Variants in MARCHF1 observed in about 807,000 individuals in gnomAD.
The protein encoded by MARCHF1 is membrane associated ring-CH-type finger 1, also known as E3 ubiquitin-protein ligase MARCHF1.
A neutral mutation model predicts 54.2 loss-of-function variants in MARCHF1; 40 were observed. The ratio of observed to expected loss-of-function variants is 0.74; its 90% CI spans 0.57 to 0.96. The LOEUF is 0.96. Ranked by LOEUF, MARCHF1 falls within the 40% of genes least tolerant of loss-of-function variation. The pLI, the probability that MARCHF1 is intolerant of heterozygous loss-of-function variation, is 0.00. For missense variants in MARCHF1, 586 were observed against 656.5 expected (o/e 0.89, Z 1.17); for synonymous variants, 236 against 236.3 (o/e 1.00, Z 0.01).
rs753428751 is a variant in MARCHF1, at chr4:163,585,810, C to T, written c.1130G>A (p.Arg377His). 14 of 1,613,868 alleles carry T rather than the reference C, an allele frequency of 8.7e-6. No individual in the cohort carries two copies. The highest frequency in any genetic ancestry group is 1.7e-5 in the Admixed American group (1 of 59,976). ...LHQWIKSSDTRCCELCKYDFI... is the reference protein window; with the variant it reads ...LHQWIKSSDTHCCELCKYDFI... Reference sequence around the variant, plus strand: ...GTCATACTTGCAGAGCTCACAGCAGCGTGTATCTGAGCTCTTTATCCACTG... The same window carrying T: ...GTCATACTTGCAGAGCTCACAGCAGTGTGTATCTGAGCTCTTTATCCACTG... The change falls in exon 8 of 10, where the codon CGC becomes CAC. Residue 377 changes from arginine (R) to histidine (H), a missense_variant. Coordinates refer to ENST00000514618, the MANE Select transcript of MARCHF1 (RefSeq NM_001394959.1).
chr4:164,011,794 A>G (rs1433036161), intron 2 of MARCHF1, among the ~76,000 whole-genome samples: 1 of 152,228 alleles, frequency 6.6e-6, no homozygotes, highest in African/African-American at 2.4e-5. Context: ...TGGTTTGAAC[A>G]TAATATCGAG....
At chr4:164,163,646 A>C (rs893209324) in intron 1 of MARCHF1, among the ~76,000 whole-genome samples, 1 of 151,960 alleles carries the variant, frequency 6.6e-6, no homozygotes, top group Non-Finnish European at 1.5e-5. Context: ...TCTAGAATTA[A>C]AGTTAAGGAT....
chr4:163,535,857 G>A (rs1458956449), intron 9 of MARCHF1, among the ~76,000 whole-genome samples: 1 of 151,832 alleles, frequency 6.6e-6, no homozygotes, highest in African/African-American at 2.4e-5. Context: ...TCACCACTGG[G>A]GGCAGTTTTG....
At chr4:164,341,096 C>T (rs1257976279) in intron 1 of MARCHF1, among the ~76,000 whole-genome samples, 2 of 152,144 alleles carry the variant, frequency 1.3e-5, no homozygotes, top group East Asian at 1.9e-4. Flanking sequence ...AAATGTGACA[C>T]ACCACATTAA....
intron 4 of MARCHF1, among the ~76,000 whole-genome samples, chr4:163,790,305 C>G (rs867681703): frequency 6.6e-6 from 1 of 152,060 alleles, no homozygotes; most frequent in Non-Finnish European, 1.5e-5. Flanking sequence ...AATCAAATGT[C>G]CTTAGCCCAG....
At chr4:163,726,176 AC>A (rs1745647488) in intron 4 of MARCHF1, among the ~76,000 whole-genome samples, 1 of 152,174 alleles carries the variant, frequency 6.6e-6, no homozygotes, top group Non-Finnish European at 1.5e-5. Context: ...TGTATATTCT[AC>A]GGACTTTGAC....
At chr4:163,850,318 C>T (rs1016080981) in intron 4 of MARCHF1, among the ~76,000 whole-genome samples, 1 of 152,300 alleles carries the variant, frequency 6.6e-6, no homozygotes, top group South Asian at 2.1e-4. Flanking sequence ...CTCAGAGGCC[C>T]GAGGCACAGT....
chr4:164,149,330 C>T (rs1729866992), intron 1 of MARCHF1, among the ~76,000 whole-genome samples: 1 of 152,110 alleles, frequency 6.6e-6, no homozygotes, highest in African/African-American at 2.4e-5. Context: ...GGCCTATGGA[C>T]TCTAGCTCTT....
intron 1 of MARCHF1, among the ~76,000 whole-genome samples, chr4:164,214,743 A>G (rs1395903032): frequency 1.3e-5 from 2 of 152,242 alleles, no homozygotes; most frequent in Admixed American, 1.3e-4. Context: ...TTTAAATTAT[A>G]ACTCAATAAT....
intron 4 of MARCHF1, among the ~76,000 whole-genome samples, chr4:163,732,952 G>A (rs1227331561): frequency 6.6e-6 from 1 of 151,478 alleles, no homozygotes; most frequent in African/African-American, 2.4e-5. Flanking sequence ...AGGAGTTCAA[G>A]ACCAGCCTGG....
intron 1 of MARCHF1, among the ~76,000 whole-genome samples, chr4:164,281,217 G>A (rs1212096033): frequency 6.6e-6 from 1 of 152,154 alleles, no homozygotes; most frequent in African/African-American, 2.4e-5. Context: ...AAGCTTGATT[G>A]TGTCATGAAC....
intron 2 of MARCHF1, among the ~76,000 whole-genome samples, chr4:164,002,635 G>A (rs1175631653): frequency 6.6e-6 from 1 of 151,542 alleles, no homozygotes; most frequent in Non-Finnish European, 1.5e-5. Context: ...GGAATTAATA[G>A]GAAAATACAT....
chr4:164,289,226 A>G (rs1357068122), intron 1 of MARCHF1, among the ~76,000 whole-genome samples: 2 of 152,026 alleles, frequency 1.3e-5, no homozygotes, highest in African/African-American at 4.8e-5. Flanking sequence ...CTAATGATAA[A>G]TGAAAAGTGG....
chr4:164,091,236 T>C (rs1755292219), intron 2 of MARCHF1, among the ~76,000 whole-genome samples: 1 of 151,954 alleles, frequency 6.6e-6, no homozygotes, highest in Non-Finnish European at 1.5e-5. Flanking sequence ...TTGAATGATA[T>C]CTTCTTGATT....
At chr4:164,185,458 T>A (rs1253996801) in intron 1 of MARCHF1, among the ~76,000 whole-genome samples, 1 of 152,202 alleles carries the variant, frequency 6.6e-6, no homozygotes, top group Admixed American at 6.5e-5. Context: ...TTATCTAATA[T>A]GTTACCATAT....
intron 1 of MARCHF1, among the ~76,000 whole-genome samples, chr4:164,228,587 G>T (rs9991280): frequency 0.93 from 141,836 of 152,278 alleles, 66,101 homozygotes; most frequent in African/African-American, 0.96. Flanking sequence ...AACCCAACTG[G>T]ATATTTGACT....
chr4:164,354,860 A>G (rs893164548), intron 1 of MARCHF1, among the ~76,000 whole-genome samples: 1 of 111,170 alleles, frequency 9.0e-6, no homozygotes, highest in Non-Finnish European at 1.9e-5. Flanking sequence ...TTTATCTAGA[A>G]AACCCCATTG....
intron 1 of MARCHF1, among the ~76,000 whole-genome samples, chr4:164,179,485 C>CA (rs1230521240): frequency 1.3e-5 from 2 of 152,016 alleles, no homozygotes; most frequent in Non-Finnish European, 2.9e-5. Flanking sequence ...TGAATAGTTT[C>CA]AAAAACACAA....
intron 3 of MARCHF1, among the ~76,000 whole-genome samples, chr4:163,912,063 G>GA (rs1269927269): frequency 7.9e-5 from 1 of 12,630 alleles, no homozygotes; most frequent in Non-Finnish European, 7.7e-4. Context: ...CAGGAATGCA[G>GA]GGTTTTTTTT....
Sources: gnomAD v4.1 joint callset for allele counts (sites outside exome capture counted in the v4.1 genomes callset) on GRCh38, gnomAD v4.1.1 for gene constraint, MANE v1.5 for transcripts, NCBI Gene and HGNC (gene_info 2026-07-23, HGNC 2026-07-21) for gene names.